The following NTM variants were observed in gnomAD, a reference collection of about 807,000 sequenced individuals.
NTM encodes neurotrimin.
NTM carries 13 observed loss-of-function variants against 42.1 expected under a neutral mutation model. The observed-to-expected ratio is 0.31, with a 90% CI of 0.20 to 0.49. The LOEUF (loss-of-function observed/expected upper bound fraction) is 0.49, where lower values mean the gene tolerates loss of function less well. Among genes scored for constraint, NTM ranks in the 20% least tolerant of loss-of-function variants. The pLI is 0.99. For missense variants in NTM, 373 were observed against 452.8 expected (o/e 0.82, Z 1.60); for synonymous variants, 187 against 179.2 (o/e 1.04, Z -0.35).
At chr11:131,415,350 C>T (rs2135784718) in intron 1 of NTM, among the ~76,000 whole-genome samples, 1 of 152,310 alleles carries the variant, frequency 6.6e-6, no homozygotes, top group East Asian at 1.9e-4. Context: ...GGAACCCCCT[C>T]TGAGCCCTGG....
intron 1 of NTM, among the ~76,000 whole-genome samples, chr11:131,818,410 G>C (rs73579948): frequency 0.017 from 2,534 of 152,154 alleles, 76 homozygotes; most frequent in African/African-American, 0.059. Flanking sequence ...CCTGGAAGAG[G>C]GACTATATCC....
intron 2 of NTM, among the ~76,000 whole-genome samples, chr11:132,144,638 C>A (rs1023898819): frequency 6.6e-6 from 1 of 152,154 alleles, no homozygotes; most frequent in Non-Finnish European, 1.5e-5. Flanking sequence ...GGGGGTGAGA[C>A]TAAGAATCTG....
chr11:132,050,424 C>G (rs1269351621), intron 2 of NTM, among the ~76,000 whole-genome samples: 1 of 152,092 alleles, frequency 6.6e-6, no homozygotes, highest in Non-Finnish European at 1.5e-5. Context: ...TGATTCCTAA[C>G]AAAGTTGGGG....
chr11:131,377,402 A>C (rs1942112891), intron 1 of NTM, among the ~76,000 whole-genome samples: 1 of 152,130 alleles, frequency 6.6e-6, no homozygotes, highest in Non-Finnish European at 1.5e-5. Flanking sequence ...TCTGCACAGA[A>C]CTGGAGGGCC....
chr11:131,939,706 C>G (rs571558225), intron 2 of NTM, among the ~76,000 whole-genome samples: 1 of 152,176 alleles, frequency 6.6e-6, no homozygotes, highest in Non-Finnish European at 1.5e-5. Context: ...TCATCTGGAA[C>G]AATCTGGTTA....
At chr11:131,706,291 A>G (rs534970422) in intron 1 of NTM, among the ~76,000 whole-genome samples, 1 of 152,162 alleles carries the variant, frequency 6.6e-6, no homozygotes, top group African/African-American at 2.4e-5. Context: ...GGATATAACA[A>G]TTTTAAATAT....
rs1237096738 is a variant in NTM at position 131,706,399 on chromosome 11, C to T, written c.83-205165C>T. Among the ~76,000 whole-genome samples the T allele has an allele frequency of 2.6e-5, 4 of 151,820 alleles. No individual in the cohort carries two copies. In the East Asian group the frequency reaches 7.7e-4, roughly 29 times the overall value. On this transcript the variant is annotated intron_variant, in intron 1 of 8. Transcript: ENST00000683400. Reference sequence around the variant, plus strand: ...CCGTAATAGTAAGGGACTCAAATACCTCATTTACAATAATGTATAGCTTAC... The same window carrying T: ...CCGTAATAGTAAGGGACTCAAATACTTCATTTACAATAATGTATAGCTTAC...
chr11:132,134,753 A>ATG (rs1242114738), intron 2 of NTM, among the ~76,000 whole-genome samples: 1 of 97,868 alleles, frequency 1.0e-5, no homozygotes, highest in African/African-American at 3.7e-5. Flanking sequence ...ATATATATAT[A>ATG]TATATATCTC....
Position 131,880,959 on chromosome 11 carries a change from C to T in NTM, c.83-30605C>T, listed in dbSNP as rs7105579. 5.9e-5 allele frequency among the ~76,000 whole-genome samples: 9 copies of T among 152,318 alleles called. No individual in the cohort carries two copies. The South Asian group carries it at 1.7e-3, about 28-fold the overall frequency. On this transcript the variant is annotated intron_variant, in intron 1 of 8. Transcript: ENST00000683400. ...TCAGATGCTTAAAAGATATTAGCCA[C>T]CACTGAAACAACATTCCAGTGGTAA...
At chr11:132,193,003 C>G (rs1358675140) in intron 3 of NTM, among the ~76,000 whole-genome samples, 1 of 151,762 alleles carries the variant, frequency 6.6e-6, no homozygotes, top group Non-Finnish European at 1.5e-5. Context: ...ATTCATAAAA[C>G]AACTTCTTAG....
chr11:132,022,592 G>T (rs894609863), intron 2 of NTM, among the ~76,000 whole-genome samples: 1 of 152,164 alleles, frequency 6.6e-6, no homozygotes, highest in African/African-American at 2.4e-5. Context: ...ACCTCTGACT[G>T]TGAAGTAAAT....
At chr11:132,182,272 C>A (rs184765892) in intron 3 of NTM, among the ~76,000 whole-genome samples, 1 of 152,166 alleles carries the variant, frequency 6.6e-6, no homozygotes. Flanking sequence ...TCTGCTCTTT[C>A]CACTCTTATA....
intron 1 of NTM, among the ~76,000 whole-genome samples, chr11:131,395,364 C>T (rs1208126737): frequency 6.6e-6 from 1 of 152,216 alleles, no homozygotes; most frequent in Non-Finnish European, 1.5e-5. Flanking sequence ...ATGTGATTGA[C>T]TGGCAGGGTC....
At chr11:131,430,964 C>T (rs534296766) in intron 1 of NTM, among the ~76,000 whole-genome samples, 2 of 152,366 alleles carry the variant, frequency 1.3e-5, no homozygotes, top group Admixed American at 6.5e-5. Flanking sequence ...GCCAGGCTGT[C>T]CCCCGAGGGA....
At chr11:132,259,288 C>T (rs2092697664) in intron 4 of NTM, among the ~76,000 whole-genome samples, 1 of 152,014 alleles carries the variant, frequency 6.6e-6, no homozygotes, top group South Asian at 2.1e-4. Flanking sequence ...AAAAAAAAGA[C>T]CTTGAGGCAG....
chr11:132,316,380 C>T (rs1441427172), intron 7 of NTM, among the ~76,000 whole-genome samples: 1 of 152,276 alleles, frequency 6.6e-6, no homozygotes, highest in Non-Finnish European at 1.5e-5. Context: ...ACTTCCCATG[C>T]CCCCCACCCT....
intron 2 of NTM, among the ~76,000 whole-genome samples, chr11:131,963,214 G>C (rs564948811): frequency 1.3e-5 from 2 of 152,080 alleles, no homozygotes; most frequent in South Asian, 4.1e-4. Context: ...ACACCAGCTC[G>C]CCATGCTCCC....
intron 1 of NTM, among the ~76,000 whole-genome samples, chr11:131,839,650 G>A (rs2043973275): frequency 6.6e-6 from 1 of 152,210 alleles, no homozygotes; most frequent in South Asian, 2.1e-4. Flanking sequence ...GACAGTCACT[G>A]GAGGGTTTTG....
At chr11:131,947,197 G>C (rs2060437503) in intron 2 of NTM, among the ~76,000 whole-genome samples, 2 of 152,066 alleles carry the variant, frequency 1.3e-5, no homozygotes. Context: ...CATGCAGCTG[G>C]CCAGAAAAAG....
Sources: gnomAD v4.1 joint callset for allele counts (sites outside exome capture counted in the v4.1 genomes callset) on GRCh38, gnomAD v4.1.1 for gene constraint, MANE v1.5 for transcripts, NCBI Gene and HGNC (gene_info 2026-07-23, HGNC 2026-07-21) for gene names.